The following DLGAP2 variants were observed in gnomAD, a reference collection of about 807,000 sequenced individuals.
DLGAP2 encodes disks large-associated protein 2.
A neutral mutation model predicts 100.3 loss-of-function variants in DLGAP2; 26 were observed. That is an observed-to-expected ratio of 0.26 (90% confidence interval 0.19 to 0.36). The LOEUF is 0.36. Ranked by LOEUF, DLGAP2 falls within the 10% of genes least tolerant of loss-of-function variation. DLGAP2 has a pLI of 1.00. For synonymous variants in DLGAP2, 886 were observed against 630.1 expected (o/e 1.41, Z -6.08); for missense variants, 1,858 against 1,453.2 (o/e 1.28, Z -4.53).
At chr8:1,117,182 T>C (rs1805143987) in intron 2 of DLGAP2, among the ~76,000 whole-genome samples, 1 of 140,226 alleles carries the variant, frequency 7.1e-6, no homozygotes, top group Non-Finnish European at 1.6e-5. Context: ...ACACCGTCTG[T>C]TTGACCTGTC....
intron 1 of DLGAP2, among the ~76,000 whole-genome samples, chr8:845,792 C>G (rs1241470029): frequency 2.6e-5 from 4 of 152,128 alleles, no homozygotes; most frequent in Admixed American, 1.3e-4. Context: ...ATACCTTTTG[C>G]TGTTACATTT....
chr8:838,950 C>T (rs1022104881), intron 1 of DLGAP2, among the ~76,000 whole-genome samples: 4 of 152,176 alleles, frequency 2.6e-5, no homozygotes, highest in Non-Finnish European at 4.4e-5. Context: ...AAGTTCATCA[C>T]AGTGATTAGA....
At chr8:771,277 T>A (rs1449796459) in intron 1 of DLGAP2, among the ~76,000 whole-genome samples, 2 of 152,240 alleles carry the variant, frequency 1.3e-5, no homozygotes, top group Non-Finnish European at 2.9e-5. Flanking sequence ...ATATGAGTTT[T>A]AATGCAAACG....
At chr8:1,469,011 T>G (rs1412616273) in intron 3 of DLGAP2, among the ~76,000 whole-genome samples, 5 of 152,142 alleles carry the variant, frequency 3.3e-5, no homozygotes, top group Non-Finnish European at 5.9e-5. Flanking sequence ...AAGACCAAGG[T>G]CAGAGTCACA....
chr8:1,202,480 T>C lies in DLGAP2; in HGVS notation c.74-56371T>C, dbSNP rs137871296. On this transcript the variant is annotated intron_variant, in intron 2 of 14. Transcript: ENST00000637795. ...CTTATAATGGGGAATCATTACCCTT[T>C]CTGTAGGAAGAAGGAGATGTCAGAC... 2.4e-3 allele frequency among the ~76,000 whole-genome samples: 369 copies of C among 152,272 alleles called. 1 individual carries two copies. Among genetic ancestry groups the C allele is most frequent in the African/African-American group, 8.4e-3 (351 of 41,540 alleles).
Position 1,650,634 on chromosome 8 carries a change from A to G in DLGAP2, c.1810+17588A>G, listed in dbSNP as rs183123618. On this transcript the variant is annotated intron_variant, in intron 8 of 14. Coordinates refer to ENST00000637795, the MANE Select transcript of DLGAP2 (RefSeq NM_001346810.2). ...TTTTCAAAAGATCCTCAGAATCTGC[A>G]TCTGCATTTCTTGACCAAGAAGACA... is the stretch of plus-strand genomic sequence containing the variant. Among the ~76,000 whole-genome samples the G allele has an allele frequency of 5.8e-4, 89 of 152,398 alleles. 1 individual carries two copies. The highest frequency in any genetic ancestry group is 9.7e-4 in the Non-Finnish European group (66 of 68,046).
chr8:1,412,604 C>T (rs1364160334), intron 3 of DLGAP2, among the ~76,000 whole-genome samples: 3 of 152,206 alleles, frequency 2.0e-5, no homozygotes, highest in African/African-American at 7.2e-5. Context: ...CCCTCTCTGC[C>T]TCAGTGTCCT....
chr8:1,050,324 G>C (rs572100168), intron 2 of DLGAP2, among the ~76,000 whole-genome samples: 49 of 152,258 alleles, frequency 3.2e-4, no homozygotes, highest in African/African-American at 1.1e-3. Flanking sequence ...CTCTGCTTCT[G>C]TTTTTCACTT....
chr8:979,920 T>C (rs762971393), intron 2 of DLGAP2, among the ~76,000 whole-genome samples: 1 of 151,990 alleles, frequency 6.6e-6, no homozygotes, highest in African/African-American at 2.4e-5. Context: ...ACAGCTGTGG[T>C]AAGAAAGAGG....
chr8:1,050,664 T>A (rs1269156304), intron 2 of DLGAP2, among the ~76,000 whole-genome samples: 1 of 152,160 alleles, frequency 6.6e-6, no homozygotes, highest in Non-Finnish European at 1.5e-5. Context: ...TCCAACCCAG[T>A]CTCCTCATCT....
At chr8:1,377,072 G>A (rs568049093) in intron 3 of DLGAP2, among the ~76,000 whole-genome samples, 2 of 152,348 alleles carry the variant, frequency 1.3e-5, no homozygotes, top group East Asian at 1.9e-4. Context: ...AGGGCAGTGA[G>A]ATGCCTGCCA....
intron 6 of DLGAP2, among the ~76,000 whole-genome samples, chr8:1,616,122 T>A (rs546730736): frequency 6.6e-6 from 1 of 152,252 alleles, no homozygotes; most frequent in South Asian, 2.1e-4. Flanking sequence ...GAAAAATTTA[T>A]GGGATGTGTT....
chr8:1,210,136 A>G (rs993859749), intron 2 of DLGAP2, among the ~76,000 whole-genome samples: 2 of 152,150 alleles, frequency 1.3e-5, no homozygotes, highest in Non-Finnish European at 2.9e-5. Flanking sequence ...AGTGGTGGCC[A>G]GATTTACACG....
chr8:1,326,531 C>T (rs1314701069), intron 3 of DLGAP2, among the ~76,000 whole-genome samples: 6 of 151,760 alleles, frequency 4.0e-5, no homozygotes, highest in Middle Eastern at 3.4e-3. Context: ...GGTCTCGGTC[C>T]GGTCCTGTCT....
chr8:1,477,834 C>T (rs1366971291), intron 3 of DLGAP2, among the ~76,000 whole-genome samples: 1 of 152,008 alleles, frequency 6.6e-6, no homozygotes, highest in African/African-American at 2.4e-5. Context: ...ATGATAGTCC[C>T]AACCATGGAA....
chr8:1,421,540 A>G (rs1487517931), intron 3 of DLGAP2, among the ~76,000 whole-genome samples: 3 of 152,208 alleles, frequency 2.0e-5, no homozygotes, highest in Non-Finnish European at 2.9e-5. Flanking sequence ...GGTGGGGGGA[A>G]TTTAGTTATT....
rs566554394 is a variant in DLGAP2, at chr8:1,581,429, A to G, written c.1442+15535A>G. On this transcript the variant is annotated intron_variant, in intron 6 of 14. Transcript: ENST00000637795. The stretch of plus-strand genomic sequence containing the variant: ...AAAACCCCACACACATATACACACC[A>G]CAGTCAAACTACCAGAAGTGAAGGA... 7.2e-5 allele frequency among the ~76,000 whole-genome samples: 11 copies of G among 151,928 alleles called. No homozygotes were observed. The East Asian group carries it at 1.7e-3, about 24-fold the overall frequency.
At chr8:845,488 C>T (rs1477965384) in intron 1 of DLGAP2, among the ~76,000 whole-genome samples, 1 of 152,142 alleles carries the variant, frequency 6.6e-6, no homozygotes, top group African/African-American at 2.4e-5. Context: ...TATTAAGATC[C>T]TTTGCCCATT....
rs183385291 is a variant in DLGAP2 at position 1,202,884 on chromosome 8, C to T, written c.74-55967C>T. Among the ~76,000 whole-genome samples, 329 of 152,338 alleles carry T rather than the reference C, an allele frequency of 2.2e-3. 2 individuals carry two copies. The highest frequency in any genetic ancestry group is 6.7e-3 in the African/African-American group (279 of 41,592). ...GAGCTGTTAATCAGCCGCTGCCCAC[C>T]GACCAGCCACGCCTCTTCAAGGCGC... On this transcript the variant is annotated intron_variant, in intron 2 of 14. Coordinates refer to ENST00000637795, the MANE Select transcript of DLGAP2 (RefSeq NM_001346810.2).
Sources: allele counts gnomAD v4.1 joint callset (sites outside exome capture counted in the v4.1 genomes callset), GRCh38; gene constraint gnomAD v4.1.1; transcripts MANE v1.5; gene names NCBI Gene and HGNC (gene_info 2026-07-23, HGNC 2026-07-21).